KCNH7: variants seen among roughly 807,000 people sequenced by gnomAD.
KCNH7 encodes potassium voltage-gated channel subfamily H member 7.
KCNH7 carries 49 observed loss-of-function variants against 120.8 expected under a neutral mutation model. The ratio of observed to expected loss-of-function variants is 0.41; its 90% confidence interval spans 0.32 to 0.51. The LOEUF (loss-of-function observed/expected upper bound fraction) is 0.51. KCNH7 is among the 20% of genes least tolerant of loss of function. KCNH7 has a pLI of 0.38. For missense variants in KCNH7, 1,097 were observed against 1,446.6 expected (o/e 0.76, Z 3.92); for synonymous variants, 547 against 516.1 (o/e 1.06, Z -0.81).
At chr2:162,536,113 T>C (rs570400672) in intron 3 of KCNH7, among the ~76,000 whole-genome samples, 1 of 151,982 alleles carries the variant, frequency 6.6e-6, no homozygotes, top group African/African-American at 2.4e-5. Context: ...TTTCTAATTA[T>C]GTCTCAAAAA....
At chr2:162,805,720 A>T (rs1684514569) in intron 2 of KCNH7, among the ~76,000 whole-genome samples, 1 of 152,180 alleles carries the variant, frequency 6.6e-6, no homozygotes, top group Non-Finnish European at 1.5e-5. Flanking sequence ...CAATCCAGCA[A>T]TTCCACTACT....
chr2:162,676,570 C>T (rs920954071), intron 2 of KCNH7, among the ~76,000 whole-genome samples: 2 of 151,432 alleles, frequency 1.3e-5, no homozygotes, highest in Non-Finnish European at 3.0e-5. Context: ...ATTGAACCTT[C>T]CCTAGCAAAC....
intron 2 of KCNH7, among the ~76,000 whole-genome samples, chr2:162,701,007 G>A (rs904853424): frequency 3.9e-5 from 6 of 152,078 alleles, no homozygotes; most frequent in African/African-American, 9.7e-5. Context: ...CATAACTAAC[G>A]AAACAGACAG....
chr2:162,538,434 G>T (rs1417938333), intron 2 of KCNH7, among the ~76,000 whole-genome samples: 1 of 151,956 alleles, frequency 6.6e-6, no homozygotes, highest in Non-Finnish European at 1.5e-5. Flanking sequence ...GCAGAGGCGG[G>T]GGGAGGTTGA....
At chr2:162,416,933 T>G (rs1687559054) in intron 9 of KCNH7, among the ~76,000 whole-genome samples, 1 of 152,172 alleles carries the variant, frequency 6.6e-6, no homozygotes, top group Non-Finnish European at 1.5e-5. Flanking sequence ...TCCACACTCA[T>G]CCACATGGAT....
rs150218529 is a variant in KCNH7 at position 162,699,763 on chromosome 2, A to G, written c.307+136774T>C. On this transcript the variant is annotated intron_variant, in intron 2 of 15. Coordinates refer to ENST00000332142, the MANE Select transcript of KCNH7 (RefSeq NM_033272.4). ...GGACAGCTTTTCCTGTTCCTGGTGAACACAGTTTCTTTCTCATAATGTTCT... is the reference window on the plus strand; with the variant it reads ...GGACAGCTTTTCCTGTTCCTGGTGAGCACAGTTTCTTTCTCATAATGTTCT... Among the ~76,000 whole-genome samples the G allele has an allele frequency of 6.0e-4, 92 of 152,274 alleles. 1 individual carries two copies. The highest frequency in any genetic ancestry group is 2.2e-3 in the African/African-American group (91 of 41,566).
At chr2:162,418,801 A>G (rs760188424) in intron 9 of KCNH7, among the ~76,000 whole-genome samples, 2 of 152,122 alleles carry the variant, frequency 1.3e-5, no homozygotes, top group Non-Finnish European at 2.9e-5. Context: ...TGGAAGTCAC[A>G]TCAGCCCCAA....
chr2:162,752,453 T>C (rs1208648292), intron 2 of KCNH7, among the ~76,000 whole-genome samples: 2 of 152,224 alleles, frequency 1.3e-5, no homozygotes, highest in Non-Finnish European at 2.9e-5. Flanking sequence ...ATAAACTTCA[T>C]ATCATATTTT....
In KCNH7 at chr2:162,630,034, A is replaced by G. The variant is rs1054240881; in HGVS notation, c.308-92954T>C. On this transcript the variant is annotated intron_variant, in intron 2 of 15. Coordinates refer to ENST00000332142, the MANE Select transcript of KCNH7 (RefSeq NM_033272.4). ...ATGTCCAGGTGATGACAACATCCGA[A>G]TATTGATCATGGAATAACTTACCTA... 2.0e-5 allele frequency among the ~76,000 whole-genome samples: 3 copies of G among 152,120 alleles called. 1 individual carries two copies. In the South Asian group the frequency reaches 6.2e-4, roughly 31 times the overall value.
intron 3 of KCNH7, among the ~76,000 whole-genome samples, chr2:162,530,617 G>T (rs1170375874): frequency 6.6e-6 from 1 of 151,976 alleles, no homozygotes; most frequent in Non-Finnish European, 1.5e-5. Context: ...ATCATTTCAA[G>T]TGATACAAAA....
intron 11 of KCNH7, among the ~76,000 whole-genome samples, chr2:162,395,492 G>T (rs901403096): frequency 1.3e-5 from 2 of 151,410 alleles, no homozygotes; most frequent in African/African-American, 4.8e-5. Flanking sequence ...TGTCTACCTT[G>T]TAAATAAAAA....
chr2:162,731,333 T>G (rs1687723578), intron 2 of KCNH7, among the ~76,000 whole-genome samples: 1 of 150,376 alleles, frequency 6.6e-6, no homozygotes, highest in Non-Finnish European at 1.5e-5. Context: ...ACAAAAAAAT[T>G]TTTGCACATG....
At chr2:162,823,304 T>C (rs1371934374) in intron 2 of KCNH7, among the ~76,000 whole-genome samples, 18 of 152,254 alleles carry the variant, frequency 1.2e-4, no homozygotes, top group Admixed American at 1.2e-3. Context: ...TTAGTACTAT[T>C]ATTTAAAATG....
At chr2:162,709,436 C>T (rs1478414876) in intron 2 of KCNH7, among the ~76,000 whole-genome samples, 1 of 152,072 alleles carries the variant, frequency 6.6e-6, no homozygotes, top group African/African-American at 2.4e-5. Flanking sequence ...TTTTCCTTCC[C>T]CTAAAATAAC....
chr2:162,737,671 C>T (rs1047667807), intron 2 of KCNH7, among the ~76,000 whole-genome samples: 1 of 152,120 alleles, frequency 6.6e-6, no homozygotes, highest in Non-Finnish European at 1.5e-5. Context: ...AAACACTTTA[C>T]TGAGTCCAAA....
chr2:162,532,073 G>C (rs777389509), intron 3 of KCNH7, among the ~76,000 whole-genome samples: 1 of 151,852 alleles, frequency 6.6e-6, no homozygotes, highest in Non-Finnish European at 1.5e-5. Flanking sequence ...AAACCTTGGA[G>C]ATTTAATAAA....
intron 6 of KCNH7, among the ~76,000 whole-genome samples, chr2:162,451,978 G>C (rs1271357692): frequency 6.6e-6 from 1 of 151,954 alleles, no homozygotes; most frequent in African/African-American, 2.4e-5. Context: ...AATCAGTTAG[G>C]GTTATCTTGG....
chr2:162,529,133 A>T (rs1038058729), intron 3 of KCNH7, among the ~76,000 whole-genome samples: 3 of 152,010 alleles, frequency 2.0e-5, no homozygotes, highest in African/African-American at 7.2e-5. Context: ...TGAGGTTGTA[A>T]GTAAGCCTAA....
At chr2:162,744,351 G>A (rs1255809879) in intron 2 of KCNH7, among the ~76,000 whole-genome samples, 3 of 152,102 alleles carry the variant, frequency 2.0e-5, no homozygotes, top group Admixed American at 6.5e-5. Context: ...TATAATTGCT[G>A]TCAATAAAAC....
Sources: allele counts gnomAD v4.1 joint callset (sites outside exome capture counted in the v4.1 genomes callset), GRCh38; gene constraint gnomAD v4.1.1; transcripts MANE v1.5; gene names NCBI Gene and HGNC (gene_info 2026-07-23, HGNC 2026-07-21).